The following SP1 variants were observed in gnomAD, a reference collection of about 807,000 sequenced individuals.
SP1 encodes Sp1 transcription factor, also known as transcription factor Sp1.
Under a neutral mutation model 66.3 loss-of-function variants are expected in SP1, and 6 were observed. The observed-to-expected ratio is 0.09, with a 90% CI of 0.05 to 0.18. The LOEUF (loss-of-function observed/expected upper bound fraction) is 0.18. Ranked by LOEUF, SP1 falls within the 10% of genes least tolerant of loss-of-function variation. The pLI is 1.00. For missense variants in SP1, 848 were observed against 964.5 expected (o/e 0.88, Z 1.60); for synonymous variants, 417 against 360.8 (o/e 1.16, Z -1.77).
rs764454014 is a variant in SP1 at position 53,383,513 on chromosome 12, A to G, written c.1566A>G (p.Gln522=). The G allele has an allele frequency of 3.3e-5, 53 of 1,613,870 alleles. No homozygotes were observed. The highest frequency in any genetic ancestry group is 1.8e-4 in the East Asian group (8 of 44,894). ...PAGTVTVNAA[Q]LSSMPGLQTI... is the part of the protein sequence containing the mutation. ...GCACAGTCACTGTGAATGCTGCTCA[A>G]CTCTCCTCCATGCCAGGCCTCCAGA... The change falls in exon 3 of 6, where the codon CAA becomes CAG. Residue 522 remains glutamine (Q), a synonymous_variant. Coordinates refer to ENST00000327443, the MANE Select transcript of SP1 (RefSeq NM_138473.3).
rs114730573 is a variant in SP1 at position 53,390,194 on chromosome 12, A to G, written c.1675+6572A>G. On this transcript the variant is annotated intron_variant, in intron 3 of 5. Coordinates refer to ENST00000327443, the MANE Select transcript of SP1 (RefSeq NM_138473.3). The stretch of plus-strand genomic sequence containing the variant: ...AAAGAATTTTCTATTTTAAGATTAT[A>G]TTTTATCAAATATAATGTTGAATGT... Among the ~76,000 whole-genome samples, 354 of 152,272 alleles carry G rather than the reference A, an allele frequency of 2.3e-3. 1 individual carries two copies. The highest frequency in any genetic ancestry group is 8.2e-3 in the African/African-American group (341 of 41,568).
intron 4 of SP1, among the ~76,000 whole-genome samples, chr12:53,408,862 C>T (rs1455940785): frequency 2.1e-5 from 3 of 144,850 alleles, no homozygotes; most frequent in African/African-American, 5.1e-5. Context: ...GCCAAGATTG[C>T]GCTATTACAC....
chr12:53,381,559 C>T (rs977730800), intron 1 of SP1, 100 bp from the exon 2 acceptor site: 3 of 1,122,028 alleles, frequency 2.7e-6, no homozygotes, highest in Non-Finnish European at 3.8e-6. Flanking sequence ...TTTCGCCTTC[C>T]TGTTAGTCAT....
At chr12:53,403,337 C>T (rs1938654468) in intron 3 of SP1, among the ~76,000 whole-genome samples, 1 of 151,998 alleles carries the variant, frequency 6.6e-6, no homozygotes, top group Non-Finnish European at 1.5e-5. Context: ...CAAGTTAACA[C>T]CTTGCATTAT....
At chr12:53,385,629 T>C (rs537611685) in intron 3 of SP1, among the ~76,000 whole-genome samples, 15 of 131,240 alleles carry the variant, frequency 1.1e-4, no homozygotes, top group Non-Finnish European at 2.0e-4. Flanking sequence ...TAAATTTGAT[T>C]ATGGGCTGGG....
In SP1 at chr12:53,383,418, T is replaced by C; in HGVS notation, c.1471T>C (p.Ser491Pro). 1 of 1,614,174 alleles carries C rather than the reference T, an allele frequency of 6.2e-7. No homozygotes were observed. The highest frequency in any genetic ancestry group is 8.5e-7 in the Non-Finnish European group (1 of 1,180,022). Residue 491 changes from serine to proline, a missense_variant, in exon 3 of 6, where the codon TCC becomes CCC. Ser to Pro is a moderately conservative substitution (Grantham distance 74). This residue lies in a region of SP1 where 606 missense variants were observed against 589.9 expected (regional missense o/e 1.03). Coordinates refer to ENST00000327443, the MANE Select transcript of SP1 (RefSeq NM_138473.3). Reference sequence around the variant, plus strand: ...CACCTTAGCCCCAATGCAGGGTGTTTCCTTGGGGCAGACCAGCAGCAGCAA... The same window carrying C: ...CACCTTAGCCCCAATGCAGGGTGTTCCCTTGGGGCAGACCAGCAGCAGCAA... ...TITLAPMQGV[S>P]LGQTSSSNTT...
chr12:53,390,471 T>G (rs891434615), intron 3 of SP1, among the ~76,000 whole-genome samples: 15 of 152,076 alleles, frequency 9.9e-5, no homozygotes, highest in Admixed American at 6.6e-5. Flanking sequence ...CTGCCTGAGC[T>G]CAGGAGTTCG....
intron 4 of SP1, among the ~76,000 whole-genome samples, chr12:53,408,465 A>AT (rs760782244): frequency 2.0e-5 from 3 of 150,694 alleles, no homozygotes; most frequent in Non-Finnish European, 4.4e-5. Context: ...CAATTTTTGT[A>AT]TTTTTTAGTA....
At chr12:53,395,981 G>A (rs1938478644) in intron 3 of SP1, among the ~76,000 whole-genome samples, 1 of 152,078 alleles carries the variant, frequency 6.6e-6, no homozygotes, top group Non-Finnish European at 1.5e-5. Context: ...TTAGCTGGGT[G>A]TGCTGGCGCA....
intron 5 of SP1, 76 bp from the exon 6 acceptor site, chr12:53,410,851 A>G: frequency 9.8e-7 from 1 of 1,019,928 alleles, no homozygotes. Flanking sequence ...TCAGCTTAGT[A>G]GAGTAAGCAC....
rs1938900094 is a variant in SP1 at position 53,412,011 on chromosome 12, C to G, written c.*771C>G. On this transcript the variant is annotated 3_prime_UTR_variant, in exon 6 of 6. Coordinates refer to ENST00000327443, the MANE Select transcript of SP1 (RefSeq NM_138473.3). ...ACTTCATGTTTTGTTTTTGTTACTG[C>G]CTGGATGAGGCACTTCTGTCAATTT... is the stretch of plus-strand genomic sequence containing the variant. 6.6e-6 allele frequency: 1 copy of G among 152,084 alleles called. No homozygotes were observed. The highest frequency in any genetic ancestry group is 2.1e-4 in the South Asian group (1 of 4,826). The allele number at this position is 152,084 out of a possible 1,614,324, so 9.4% of individuals were successfully genotyped here.
At position 53,413,963 on chromosome 12, in the gene SP1, C is replaced by T. The variant is rs1173209701; in HGVS notation, c.*2723C>T. ...CTGTTCTCTTCACACCAAGGAAGCTCCAGATCCAGTATCTTGTTTGGCCTC... is the reference window on the plus strand; with the variant it reads ...CTGTTCTCTTCACACCAAGGAAGCTTCAGATCCAGTATCTTGTTTGGCCTC... On this transcript the variant is annotated 3_prime_UTR_variant, in exon 6 of 6. Coordinates refer to ENST00000327443, the MANE Select transcript of SP1 (RefSeq NM_138473.3). The T allele has an allele frequency of 6.6e-6, 1 of 152,156 alleles. No individual in the cohort carries two copies. Among genetic ancestry groups the T allele is most frequent in the African/African-American group, 2.4e-5 (1 of 41,444 alleles). The allele number at this position is 152,156 out of a possible 1,614,324, so 9.4% of individuals were successfully genotyped here.
Position 53,381,626 on chromosome 12 carries a change from A to G in SP1, c.8-33A>G, listed in dbSNP as rs781107286. The G allele has an allele frequency of 8.3e-6, 13 of 1,567,318 alleles. No individual in the cohort carries two copies. In the Admixed American group the frequency reaches 2.5e-4, roughly 30 times the overall value. ...CCTACTTCATTTCTTTTCTTCCCTC[A>G]AGTTTACGTTGTTTGTTTTTTAATT... On this transcript the variant is annotated intron_variant, in intron 1 of 5. Coordinates refer to ENST00000327443, the MANE Select transcript of SP1 (RefSeq NM_138473.3).
chr12:53,394,005 G>A (rs1050256112), intron 3 of SP1, among the ~76,000 whole-genome samples: 11 of 151,886 alleles, frequency 7.2e-5, no homozygotes, highest in African/African-American at 1.7e-4. Flanking sequence ...ACCTGAGATC[G>A]GGAGTTCAAG....
intron 3 of SP1, among the ~76,000 whole-genome samples, chr12:53,391,647 A>G (rs1456081679): frequency 6.6e-6 from 1 of 151,304 alleles, no homozygotes; most frequent in African/African-American, 2.4e-5. Context: ...TTCAACTTTT[A>G]TTTTGTTTGT....
intron 4 of SP1, among the ~76,000 whole-genome samples, chr12:53,408,906 A>AAAAC (rs758088234): frequency 6.6e-6 from 1 of 150,932 alleles, no homozygotes; most frequent in Admixed American, 6.6e-5. Flanking sequence ...ACTCCGTCTC[A>AAAAC]AAACAAACAA....
At chr12:53,382,081 C>T in intron 2 of SP1, 29 bp from the exon 3 acceptor site, 1 of 1,607,000 alleles carries the variant, frequency 6.2e-7, no homozygotes, top group Non-Finnish European at 8.5e-7. Context: ...GTGTCACTAA[C>T]TCCTTTCCTC....
At chr12:53,384,674 C>G (rs1938186105) in intron 3 of SP1, among the ~76,000 whole-genome samples, 2 of 152,138 alleles carry the variant, frequency 1.3e-5, no homozygotes, top group Non-Finnish European at 1.5e-5. Context: ...GCCTGTAGGC[C>G]AACTCCTCCA....
Position 53,380,300 on chromosome 12 carries a change from T to C in SP1, c.7+2T>C. 7.3e-7 allele frequency: 1 copy of C among 1,370,740 alleles called. No individual in the cohort carries two copies. Among genetic ancestry groups the C allele is most frequent in the Non-Finnish European group, 9.7e-7 (1 of 1,027,792 alleles). 84.9% of individuals were successfully genotyped at this position (1,370,740 alleles called of 1,614,324 possible). A position where few individuals can be genotyped will look rare whatever the true frequency, so the allele number is the denominator to read the frequency against. On this transcript the variant is annotated splice_donor_variant, in intron 1 of 5. Transcript: ENST00000327443. LOFTEE classifies it high-confidence loss of function. ...GTCCCTCAGCTGCCACCATGAGCGG[T>C]AAGGATGAGTCCACTCCAAGCTTAG...
Sources: gnomAD v4.1 joint callset for allele counts (sites outside exome capture counted in the v4.1 genomes callset) on GRCh38, gnomAD v4.1.1 for gene constraint, gnomAD v4.1.1 regional missense constraint, MANE v1.5 for transcripts, NCBI Gene and HGNC (gene_info 2026-07-23, HGNC 2026-07-21) for gene names.